NCF4: variants seen among roughly 807,000 people sequenced by gnomAD.
The protein encoded by NCF4 is neutrophil cytosol factor 4.
Under a neutral mutation model 41.7 loss-of-function variants are expected in NCF4, and 30 were observed. That is an observed-to-expected ratio of 0.72 (90% CI 0.54 to 0.97). The LOEUF is 0.97. NCF4 is among the 50% of genes least tolerant of loss of function. The pLI is 0.00. For synonymous variants in NCF4, 195 were observed against 175.8 expected, an observed-to-expected ratio of 1.11 and a Z score of -0.87; for missense variants, 432 against 460.9, an observed-to-expected ratio of 0.94 and a Z score of 0.57.
chr22:36,877,427 G>A (rs924480996), intron 9 of NCF4, among the ~76,000 whole-genome samples: 6 of 152,252 alleles, frequency 3.9e-5, no homozygotes, highest in East Asian at 1.9e-4. Context: ...GTGAGCCACC[G>A]CACCCAGCCT....
Position 36,876,089 on chromosome 22 carries a change from C to T in NCF4, c.819C>T (p.Leu273=). The stretch of plus-strand genomic sequence containing the variant: ...CCCTATTGAAAGACCTGCTGGAGCT[C>T]ACAAGGTGAGGGGCTGGGAATGGGG... ...STPLLKDLLE[L]TRREFQREDI... The change falls in exon 9 of 10, where the codon CTC becomes CTT. Residue 273 remains leucine (L), a synonymous_variant. Coordinates refer to ENST00000248899, the MANE Select transcript of NCF4 (RefSeq NM_000631.5). 6.2e-7 allele frequency: 1 copy of T among 1,607,244 alleles called. No homozygotes were observed. Among genetic ancestry groups the T allele is most frequent in the East Asian group, 2.2e-5 (1 of 44,800 alleles).
At chr22:36,872,814 G>A (rs1348667766) in intron 7 of NCF4, among the ~76,000 whole-genome samples, 1 of 139,324 alleles carries the variant, frequency 7.2e-6, no homozygotes. Context: ...GTGGAGATGA[G>A]GGTGAAGGTG....
intron 7 of NCF4, 36 bp downstream of exon 7, chr22:36,872,461 G>A (rs756793561): frequency 4.3e-5 from 63 of 1,482,262 alleles, no homozygotes; most frequent in Non-Finnish European, 5.1e-5. Context: ...TGAGATTGAA[G>A]GTGAGGTTGG....
chr22:36,865,217 T>G lies in NCF4; in HGVS notation c.271+145T>G. ...GCCCCCACTCCCGGCAGTTACAGGC[T>G]GCCAAGCCCTCCCTGCATGGCTCCC... On this transcript the variant is annotated intron_variant, in intron 3 of 9. Coordinates refer to ENST00000248899, the MANE Select transcript of NCF4 (RefSeq NM_000631.5). The surrounding 1 kb of genome is among the most constrained non-coding windows in gnomAD (Gnocchi z 4.3). 8.0e-7 allele frequency: 1 copy of G among 1,246,124 alleles called. No individual in the cohort carries two copies. The highest frequency in any genetic ancestry group is 1.1e-6 in the Non-Finnish European group (1 of 890,308). 77.2% of individuals were successfully genotyped at this position (1,246,124 alleles called of 1,614,324 possible). A position where few individuals can be genotyped will look rare whatever the true frequency, so the allele number is the denominator to read the frequency against.
intron 1 of NCF4, among the ~76,000 whole-genome samples, chr22:36,861,624 A>G (rs1008877139): frequency 6.6e-6 from 1 of 152,192 alleles, no homozygotes; most frequent in African/African-American, 2.4e-5. Context: ...ACCTCCTCCA[A>G]GAAGCCTTCC....
In NCF4 at chr22:36,864,960, C is replaced by G; in HGVS notation, c.159C>G (p.Tyr53Ter). The change falls in exon 3 of 10, where the codon TAC becomes TAG. Residue 53 changes from tyrosine to a stop codon, truncating the protein, a stop_gained. Coordinates refer to ENST00000248899, the MANE Select transcript of NCF4 (RefSeq NM_000631.5). LOFTEE classifies it high-confidence loss of function. ...TGAAGACAAAAGGAGGATCCAAGTACCTCATCTACCGCCGCTACCGCCAGT... is the reference window on the plus strand; with the variant it reads ...TGAAGACAAAAGGAGGATCCAAGTAGCTCATCTACCGCCGCTACCGCCAGT... ...IEVKTKGGSK[Y>*]LIYRRYRQFH... 6.2e-7 allele frequency: 1 copy of G among 1,614,110 alleles called. No homozygotes were observed. The highest frequency in any genetic ancestry group is 1.1e-5 in the South Asian group (1 of 91,086).
At position 36,875,664 on chromosome 22, in the gene NCF4, G is replaced by C; in HGVS notation, c.639G>C (p.Arg213=). 11 of 1,611,926 alleles carry C rather than the reference G, an allele frequency of 6.8e-6. No individual in the cohort carries two copies. The highest frequency in any genetic ancestry group is 9.3e-6 in the Non-Finnish European group (11 of 1,180,020). Residue 213 remains arginine, a synonymous_variant, in exon 8 of 10, where the codon CGG becomes CGC. Coordinates refer to ENST00000248899, the MANE Select transcript of NCF4 (RefSeq NM_000631.5). ...CTCTTCCTCTGCAGGGCACTGTCCG[G>C]GGAGCCACGGGCATCTTCCCTCTCT... is the stretch of plus-strand genomic sequence containing the variant. ...INKDWLEGTV[R]GATGIFPLSF...
chr22:36,877,554 A>AC lies in NCF4; in HGVS notation c.825-71dup, dbSNP rs113399392. On this transcript the variant is annotated intron_variant, in intron 9 of 9. Coordinates refer to ENST00000248899, the MANE Select transcript of NCF4 (RefSeq NM_000631.5). ...CTTACTCCTGGCTTCAGGACATAAA[A>AC]CCCTTTTCACCCCCTCTCCCTACCC... 1,169 of 1,524,336 alleles carry AC rather than the reference A, an allele frequency of 7.7e-4. 8 individuals are homozygous for AC. In the African/African-American group the frequency reaches 0.014, roughly 18 times the overall value. 94.4% of individuals were successfully genotyped at this position (1,524,336 alleles called of 1,614,324 possible). A position where few individuals can be genotyped will look rare whatever the true frequency, so the allele number is the denominator to read the frequency against.
chr22:36,870,645 C>T (rs776851822), intron 5 of NCF4, 103 bp downstream of exon 5: 1 of 1,473,656 alleles, frequency 6.8e-7, no homozygotes, highest in Non-Finnish European at 9.3e-7. Flanking sequence ...ACAGATCAGC[C>T]ATATCCCTGG....
At position 36,864,981 on chromosome 22, in the gene NCF4, C is replaced by T. The variant is rs762003847; in HGVS notation, c.180C>T (p.Arg60=). Residue 60 remains arginine (R), a synonymous_variant, in exon 3 of 10, where the codon CGC becomes CGT. Transcript: ENST00000248899. ...AGTACCTCATCTACCGCCGCTACCG[C>T]CAGTTCCATGCTTTGCAGAGCAAGC... ...GSKYLIYRRY[R]QFHALQSKLE... is the part of the protein sequence containing the mutation. 6.2e-6 allele frequency: 10 copies of T among 1,614,150 alleles called. No individual in the cohort carries two copies. Among genetic ancestry groups the T allele is most frequent in the Admixed American group, 3.3e-5 (2 of 60,028 alleles).
At chr22:36,870,325 A>G in intron 4 of NCF4, 90 bp from the exon 5 acceptor site, 1 of 1,571,784 alleles carries the variant, frequency 6.4e-7, no homozygotes, top group Non-Finnish European at 8.7e-7. Flanking sequence ...AGGAGGGCTG[A>G]TGTCAGGGCT....
Position 36,865,284 on chromosome 22 carries a change from C to T in NCF4, c.271+212C>T, listed in dbSNP as rs965704457. On this transcript the variant is annotated intron_variant, in intron 3 of 9. Coordinates refer to ENST00000248899, the MANE Select transcript of NCF4 (RefSeq NM_000631.5). This position sits in a 1 kb window ranked among gnomAD's most constrained non-coding sequence, Gnocchi z 4.3. The stretch of plus-strand genomic sequence containing the variant: ...GCTTCCACCCCAAGCACTCTAGCCT[C>T]ACAGCCCCGGAGCTCTGATGACCAT... Among the ~76,000 whole-genome samples, 1 of 152,168 alleles carries T rather than the reference C, an allele frequency of 6.6e-6. No homozygotes were observed. The highest frequency in any genetic ancestry group is 6.5e-5 in the Admixed American group (1 of 15,288).
chr22:36,875,293 G>A (rs989534932), intron 7 of NCF4, among the ~76,000 whole-genome samples: 17 of 152,264 alleles, frequency 1.1e-4, no homozygotes, highest in African/African-American at 3.1e-4. Flanking sequence ...GCCTCCCAAA[G>A]TGCTAGGATT....
At chr22:36,876,197 C>A in intron 9 of NCF4, 103 bp downstream of exon 9, 1 of 1,188,420 alleles carries the variant, frequency 8.4e-7, no homozygotes, top group Non-Finnish European at 1.2e-6. Context: ...TTTGCGTGTA[C>A]TTTGTCTTCT....
rs763111423 is a variant in NCF4, at chr22:36,877,646, G to C, written c.843G>C (p.Glu281Asp). The change falls in exon 10 of 10, where the codon GAG becomes GAC. Residue 281 changes from glutamate to aspartate, a missense_variant. Coordinates refer to ENST00000248899, the MANE Select transcript of NCF4 (RefSeq NM_000631.5). ...LELTRREFQR[E>D]DIALNYRDAE... is the part of the protein sequence containing the mutation. Reference sequence around the variant, plus strand: ...CATGCAGGCGGGAGTTCCAGAGAGAGGACATAGCTCTGAATTACCGGGACG... The same window carrying C: ...CATGCAGGCGGGAGTTCCAGAGAGACGACATAGCTCTGAATTACCGGGACG... 6.2e-7 allele frequency: 1 copy of C among 1,614,110 alleles called. No homozygotes were observed. Among genetic ancestry groups the C allele is most frequent in the East Asian group, 2.2e-5 (1 of 44,898 alleles).
chr22:36,866,209 T>C (rs1202434118), intron 3 of NCF4, among the ~76,000 whole-genome samples: 1 of 152,046 alleles, frequency 6.6e-6, no homozygotes, highest in African/African-American at 2.4e-5. Flanking sequence ...CACCTTGGCA[T>C]GGCCATCCTC....
Position 36,863,098 on chromosome 22 carries a change from G to A in NCF4, c.33-947G>A, listed in dbSNP as rs151129023. Among the ~76,000 whole-genome samples, 893 of 152,282 alleles carry A rather than the reference G, an allele frequency of 5.9e-3. 2 individuals carry two copies. The highest frequency in any genetic ancestry group is 9.3e-3 in the Non-Finnish European group (631 of 68,018). On this transcript the variant is annotated intron_variant, in intron 1 of 9. Transcript: ENST00000248899. ...GCTGCTCTTCTTGCCCGCCCCACAG[G>A]CAGCCAGGCCATTCTCATGCTGCCC...
chr22:36,872,959 A>G (rs1305155555), intron 7 of NCF4, among the ~76,000 whole-genome samples: 150 of 46,646 alleles, frequency 3.2e-3, no homozygotes, highest in African/African-American at 0.012. Context: ...TGGAGGTGAG[A>G]TTGGAGGTGA....
At chr22:36,871,829 C>T in intron 6 of NCF4, 120 bp downstream of exon 6, 1 of 1,218,136 alleles carries the variant, frequency 8.2e-7, no homozygotes, top group Non-Finnish European at 1.2e-6. Context: ...GTGCTGGGCA[C>T]CAGGAGGAAG....
Sources: allele counts gnomAD v4.1 joint callset (sites outside exome capture counted in the v4.1 genomes callset), GRCh38; gene constraint gnomAD v4.1.1; non-coding constraint Gnocchi (gnomAD v3.1); transcripts MANE v1.5; gene names NCBI Gene and HGNC (gene_info 2026-07-23, HGNC 2026-07-21).